DIAPH2: variants seen among roughly 807,000 people sequenced by gnomAD.
The protein encoded by DIAPH2 is diaphanous related formin 2.
DIAPH2 carries 35 observed loss-of-function variants against 92.7 expected under a neutral mutation model. The ratio of observed to expected loss-of-function variants is 0.38; its 90% confidence interval spans 0.29 to 0.50. The LOEUF (loss-of-function observed/expected upper bound fraction) is 0.50, where lower values mean the gene tolerates loss of function less well. Among genes scored for constraint, DIAPH2 ranks in the 20% least tolerant of loss-of-function variants. The pLI is 0.94. For synonymous variants in DIAPH2, 301 were observed against 280.4 expected (o/e 1.07, Z -0.73); for missense variants, 701 against 819.5 (o/e 0.86, Z 1.77).
intron 19 of DIAPH2, among the ~76,000 whole-genome samples, chrX:97,079,833 G>T (rs943690489): frequency 6.3e-5 from 7 of 111,531 alleles, no homozygotes; most frequent in African/African-American, 2.0e-4. Context: ...AACACAAGAG[G>T]CTTTTAAGGA....
intron 26 of DIAPH2, among the ~76,000 whole-genome samples, chrX:97,595,884 G>A (rs1032380526): frequency 1.3e-4 from 14 of 111,274 alleles, no homozygotes; most frequent in Non-Finnish European, 2.6e-4. Flanking sequence ...TGCCCACCTC[G>A]GCCACCCAAA....
intron 25 of DIAPH2, among the ~76,000 whole-genome samples, chrX:97,415,435 A>G (rs2069933148): frequency 8.9e-6 from 1 of 111,931 alleles, no homozygotes; most frequent in African/African-American, 3.3e-5. Context: ...TCACAATAGC[A>G]AAAACTTGGA....
At chrX:96,711,393 C>T (rs1355118382) in intron 1 of DIAPH2, among the ~76,000 whole-genome samples, 6 of 111,698 alleles carry the variant, frequency 5.4e-5, no homozygotes, top group East Asian at 5.6e-4. Context: ...AAGGTGGTAT[C>T]GCATTGTGGG....
intron 1 of DIAPH2, among the ~76,000 whole-genome samples, chrX:96,707,082 T>G (rs1171670140): frequency 9.1e-6 from 1 of 110,009 alleles, no homozygotes; most frequent in African/African-American, 3.3e-5. Flanking sequence ...GCAGATCACT[T>G]GAGGTCAGGG....
intron 19 of DIAPH2, among the ~76,000 whole-genome samples, chrX:97,097,373 G>A (rs1370311276): frequency 9.0e-6 from 1 of 111,619 alleles, no homozygotes; most frequent in Non-Finnish European, 1.9e-5. Context: ...CTAAACAGTG[G>A]CAGTTACATA....
At chrX:97,511,457 G>C (rs1192051032) in intron 26 of DIAPH2, among the ~76,000 whole-genome samples, 2 of 106,450 alleles carry the variant, frequency 1.9e-5, no homozygotes, top group Non-Finnish European at 1.9e-5. Flanking sequence ...TCTGCAAACA[G>C]GGACAACTTG....
At chrX:97,082,223 A>G (rs1332921870) in intron 19 of DIAPH2, among the ~76,000 whole-genome samples, 1 of 110,709 alleles carries the variant, frequency 9.0e-6, no homozygotes, top group Non-Finnish European at 1.9e-5. Flanking sequence ...GACACTTTAA[A>G]CCATGGTAGA....
intron 4 of DIAPH2, among the ~76,000 whole-genome samples, chrX:96,881,278 T>A (rs1035044677): frequency 9.0e-6 from 1 of 111,554 alleles, no homozygotes; most frequent in Non-Finnish European, 1.9e-5. Context: ...CTAGCTAATA[T>A]TAATTCTAAT....
At chrX:96,999,229 G>C (rs926050866) in intron 17 of DIAPH2, among the ~76,000 whole-genome samples, 3 of 110,931 alleles carry the variant, frequency 2.7e-5, no homozygotes, top group Non-Finnish European at 5.7e-5. Context: ...GTCTAATTTC[G>C]ATTGGCTGGG....
intron 4 of DIAPH2, among the ~76,000 whole-genome samples, chrX:96,845,070 T>A (rs2064962389): frequency 8.9e-6 from 1 of 112,301 alleles, no homozygotes; most frequent in Non-Finnish European, 1.9e-5. Context: ...ACATTTTTAG[T>A]GGCAAAAGCC....
intron 23 of DIAPH2, among the ~76,000 whole-genome samples, chrX:97,335,798 ATG>A (rs1367329040): frequency 8.9e-6 from 1 of 112,022 alleles, no homozygotes; most frequent in East Asian, 2.8e-4. Context: ...GTGTGTATGT[ATG>A]TGTTTTAATT....
intron 22 of DIAPH2, among the ~76,000 whole-genome samples, chrX:97,158,690 ATCC>A (rs1292738758): frequency 8.9e-6 from 1 of 112,413 alleles, no homozygotes; most frequent in Non-Finnish European, 1.9e-5. Context: ...GAACATTATT[ATCC>A]TCTTTAGTTT....
At chrX:96,717,831 T>C (rs2063960856) in intron 1 of DIAPH2, among the ~76,000 whole-genome samples, 1 of 81,126 alleles carries the variant, frequency 1.2e-5, no homozygotes, top group African/African-American at 4.6e-5. Context: ...TATATATATA[T>C]ATATATATAT....
At chrX:97,534,441 A>G (rs2071081960) in intron 26 of DIAPH2, among the ~76,000 whole-genome samples, 1 of 110,530 alleles carries the variant, frequency 9.0e-6, no homozygotes, top group African/African-American at 3.3e-5. Flanking sequence ...TATCACATTG[A>G]AAAAGATTAA....
chrX:97,146,563 A>G (rs767650187), intron 22 of DIAPH2, among the ~76,000 whole-genome samples: 1 of 111,317 alleles, frequency 9.0e-6, no homozygotes, highest in Non-Finnish European at 1.9e-5. Context: ...CCAGGCATCA[A>G]CATTACTGGC....
intron 2 of DIAPH2, among the ~76,000 whole-genome samples, chrX:96,736,544 T>A (rs2147568134): frequency 9.0e-6 from 1 of 111,202 alleles, no homozygotes; most frequent in African/African-American, 3.3e-5. Context: ...GTAGCTGGGA[T>A]TACAGGTGCC....
intron 3 of DIAPH2, among the ~76,000 whole-genome samples, chrX:96,752,392 T>C (rs757214520): frequency 1.2e-3 from 133 of 112,502 alleles, no homozygotes; most frequent in African/African-American, 4.1e-3. Flanking sequence ...ATTTATTAAA[T>C]GTTTACTGCA....
At chrX:97,046,074 C>G (rs1432157525) in intron 17 of DIAPH2, among the ~76,000 whole-genome samples, 1 of 107,721 alleles carries the variant, frequency 9.3e-6, no homozygotes, top group African/African-American at 3.4e-5. Context: ...GCCAAGCGGT[C>G]TCGAACTCCT....
chrX:97,514,648 C>T (rs2070926989), intron 26 of DIAPH2, among the ~76,000 whole-genome samples: 1 of 110,151 alleles, frequency 9.1e-6, no homozygotes, highest in South Asian at 3.9e-4. Context: ...GTTTTATCTA[C>T]TTTTGGTCTT....
Sources: allele counts gnomAD v4.1 joint callset (sites outside exome capture counted in the v4.1 genomes callset), GRCh38; gene constraint gnomAD v4.1.1; transcripts MANE v1.5; gene names NCBI Gene and HGNC (gene_info 2026-07-23, HGNC 2026-07-21).